TMEM165: variants seen among roughly 807,000 people sequenced by gnomAD.
TMEM165 encodes the protein transmembrane protein 165.
In TMEM165, 19 loss-of-function variants were observed where a neutral mutation model predicts 30.0. That is an observed-to-expected ratio of 0.63 (90% CI 0.44 to 0.93). TMEM165 has a LOEUF of 0.93. Ranked by LOEUF, TMEM165 falls within the 40% of genes least tolerant of loss-of-function variation. The pLI, the probability that TMEM165 is intolerant of heterozygous loss-of-function variation, is 0.00. For missense variants in TMEM165, 340 were observed against 417.0 expected (o/e 0.82, Z 1.61); for synonymous variants, 168 against 162.9 (o/e 1.03, Z -0.24).
At chr4:55,427,065 ACT>A (rs1401918970), downstream of TMEM165, among the ~76,000 whole-genome samples, 1 of 141,392 alleles carries the variant, frequency 7.1e-6, no homozygotes, top group Non-Finnish European at 1.5e-5. Context: ...AGAGAGTCTC[ACT>A]CTGTCGCCCA....
At chr4:55,433,495 C>T (rs2109609891) in intron 3 of TMEM165, 1 of 152,310 alleles carries the variant, frequency 6.6e-6, no homozygotes, top group East Asian at 1.9e-4. Flanking sequence ...CTTAGCATTC[C>T]CCTGACCTCT....
At chr4:55,427,223 T>C (rs1237481195), downstream of TMEM165, among the ~76,000 whole-genome samples, 1 of 149,088 alleles carries the variant, frequency 6.7e-6, no homozygotes, top group Admixed American at 6.7e-5. Flanking sequence ...TTAGTAGAGA[T>C]GATGGAGTTT....
In TMEM165 at chr4:55,396,075, A is replaced by AGCG. The variant is rs551050842; in HGVS notation, c.-102_-100dup. On this transcript the variant is annotated 5_prime_UTR_variant, in exon 1 of 6. Transcript: ENST00000381334. ...CCCGGATGGTGCTGACTGCTCCCTA[A>AGCG]GCGGCGGCGGCGGCGAGTCGTGAGG... 24 of 856,412 alleles carry AGCG rather than the reference A, an allele frequency of 2.8e-5. No individual in the cohort carries two copies. Among genetic ancestry groups the AGCG allele is most frequent in the African/African-American group, 7.2e-5 (4 of 55,212 alleles). 53.1% of individuals were successfully genotyped at this position (856,412 alleles called of 1,614,324 possible). A position where few individuals can be genotyped will look rare whatever the true frequency, so the allele number is the denominator to read the frequency against.
intron 1 of TMEM165, among the ~76,000 whole-genome samples, chr4:55,402,874 C>G (rs371909519): frequency 0.028 from 3,789 of 133,570 alleles, 203 homozygotes; most frequent in African/African-American, 0.1. Context: ...TCACTGCAAG[C>G]TCTGCCTCCC....
At chr4:55,402,066 C>A (rs1721018541) in intron 1 of TMEM165, among the ~76,000 whole-genome samples, 1 of 142,648 alleles carries the variant, frequency 7.0e-6, no homozygotes, top group Admixed American at 6.9e-5. Context: ...TGCAGTGAAC[C>A]AAGATCGTGC....
intron 3 of TMEM165, among the ~76,000 whole-genome samples, chr4:55,435,748 G>A (rs1283824563): frequency 1.3e-5 from 2 of 152,068 alleles, no homozygotes; most frequent in Admixed American, 1.3e-4. Context: ...ATTCTAATTT[G>A]GAAAATGCTT....
chr4:55,396,303 C>T lies in TMEM165; in HGVS notation c.114C>T (p.Asp38=). 2.0e-6 allele frequency: 3 copies of T among 1,530,418 alleles called. No homozygotes were observed. The highest frequency in any genetic ancestry group is 2.6e-6 in the Non-Finnish European group (3 of 1,143,622). The allele number at this position is 1,530,418 out of a possible 1,614,324, so 94.8% of individuals were successfully genotyped here. ...CGGTCCGGGCCGGCCCAGATGAAGACCTTAGCCACCGGAACAAAGAACCGC... is the reference window on the plus strand; with the variant it reads ...CGGTCCGGGCCGGCCCAGATGAAGATCTTAGCCACCGGAACAAAGAACCGC... ...PAAVRAGPDE[D]LSHRNKEPPA... is the part of the protein sequence containing the mutation. Residue 38 remains aspartate, a synonymous_variant, in exon 1 of 6, where the codon GAC becomes GAT. Coordinates refer to ENST00000381334, the MANE Select transcript of TMEM165 (RefSeq NM_018475.5).
Position 55,417,870 on chromosome 4 carries a change from A to G in TMEM165, c.677A>G (p.Gln226Arg). 6.2e-7 allele frequency: 1 copy of G among 1,614,176 alleles called. No homozygotes were observed. The highest frequency in any genetic ancestry group is 1.1e-5 in the South Asian group (1 of 91,084). The change falls in exon 4 of 6, where the codon CAG becomes CGG. Residue 226 changes from glutamine to arginine, a missense_variant. By Grantham distance (43) the Gln-to-Arg change is conservative. Coordinates refer to ENST00000381334, the MANE Select transcript of TMEM165 (RefSeq NM_018475.5). ...ACGGGTACAAGCATAACAGTACCTCAGAAAAAGTGGTTGCATTTTATTTCA... is the reference window on the plus strand; with the variant it reads ...ACGGGTACAAGCATAACAGTACCTCGGAAAAAGTGGTTGCATTTTATTTCA... ...VETGTSITVP[Q>R]KKWLHFISPI...
At chr4:55,445,351 C>T (rs1156767664) in intron 3 of TMEM165, among the ~76,000 whole-genome samples, 1 of 152,058 alleles carries the variant, frequency 6.6e-6, no homozygotes, top group East Asian at 1.9e-4. Flanking sequence ...TACCAGTACC[C>T]CAGCTGATGG....
At chr4:55,414,885 A>T (rs1721662443) in intron 2 of TMEM165, among the ~76,000 whole-genome samples, 1 of 152,140 alleles carries the variant, frequency 6.6e-6, no homozygotes, top group South Asian at 2.1e-4. Flanking sequence ...TGCATAGGTG[A>T]TACTTTGTCT....
chr4:55,423,404 GT>G (rs1722063657), intron 4 of TMEM165: 1 of 152,134 alleles, frequency 6.6e-6, no homozygotes, highest in Non-Finnish European at 1.5e-5. Context: ...CTTCAGTCTT[GT>G]TCCCCTCTGG....
chr4:55,421,915 GAAAAA>G (rs71194560), intron 4 of TMEM165, among the ~76,000 whole-genome samples: 2 of 150,182 alleles, frequency 1.3e-5, no homozygotes, highest in Admixed American at 6.6e-5. Context: ...CCTTTAAAAA[GAAAAA>G]AAAAAAGCCC....
chr4:55,449,840 TC>T, intron 3 of TMEM165, among the ~76,000 whole-genome samples: 1 of 152,290 alleles, frequency 6.6e-6, no homozygotes, highest in Non-Finnish European at 1.5e-5. Flanking sequence ...TAGTTGCCTT[TC>T]TTTTTGAGGG....
At chr4:55,400,498 C>T (rs1021936837) in intron 1 of TMEM165, among the ~76,000 whole-genome samples, 2 of 146,086 alleles carry the variant, frequency 1.4e-5, no homozygotes, top group African/African-American at 2.6e-5. Flanking sequence ...AGTGCAGTGG[C>T]GTGATCTTGG....
At chr4:55,413,683 A>G (rs533027538) in intron 2 of TMEM165, among the ~76,000 whole-genome samples, 31 of 152,380 alleles carry the variant, frequency 2.0e-4, no homozygotes, top group African/African-American at 7.5e-4. Flanking sequence ...AGCAGCAAAA[A>G]TAAAATAGTA....
chr4:55,416,970 C>T, intron 2 of TMEM165, 102 bp from the exon 3 acceptor site: 1 of 1,007,818 alleles, frequency 9.9e-7, no homozygotes, highest in South Asian at 1.8e-5. Flanking sequence ...TAATGTGAAC[C>T]ATTTTTCTTT....
In TMEM165 at chr4:55,396,117, G is replaced by T. The variant is rs536484885; in HGVS notation, c.-73G>T. On this transcript the variant is annotated 5_prime_UTR_variant, in exon 1 of 6. Transcript: ENST00000381334. ...GTCGTGAGGACGCGCCGCGGAGGCT[G>T]TTCGGGGTCGAGGCTTCCCGTCGCC... is the stretch of plus-strand genomic sequence containing the variant. 3 of 1,250,744 alleles carry T rather than the reference G, an allele frequency of 2.4e-6. No individual in the cohort carries two copies. The highest frequency in any genetic ancestry group is 2.5e-5 in the South Asian group (1 of 40,692). 77.5% of individuals were successfully genotyped at this position (1,250,744 alleles called of 1,614,324 possible). A position where few individuals can be genotyped will look rare whatever the true frequency, so the allele number is the denominator to read the frequency against.
intron 2 of TMEM165, among the ~76,000 whole-genome samples, chr4:55,412,380 T>C (rs1721542326): frequency 2.1e-5 from 2 of 95,868 alleles, no homozygotes; most frequent in Admixed American, 1.8e-4. Flanking sequence ...GGTGATAGAG[T>C]GAGACTCCAT....
At chr4:55,448,151 T>C (rs562943973) in intron 3 of TMEM165, among the ~76,000 whole-genome samples, 1 of 152,350 alleles carries the variant, frequency 6.6e-6, no homozygotes, top group African/African-American at 2.4e-5. Context: ...ACAGGCAATA[T>C]AGCATGGTAT....
Sources: allele counts gnomAD v4.1 joint callset (sites outside exome capture counted in the v4.1 genomes callset), GRCh38; gene constraint gnomAD v4.1.1; transcripts MANE v1.5; gene names NCBI Gene and HGNC (gene_info 2026-07-23, HGNC 2026-07-21).